TUBA4B: variants seen among roughly 807,000 people sequenced by gnomAD.
The protein encoded by TUBA4B is tubulin alpha 4b.
TUBA4B carries 13 observed loss-of-function variants against 18.4 expected under a neutral mutation model. That is an observed-to-expected ratio of 0.71 (90% CI 0.46 to 1.12). TUBA4B has a LOEUF of 1.12. Among genes scored for constraint, TUBA4B ranks in the 50% most tolerant of loss-of-function variants. The pLI is 0.00. For synonymous variants in TUBA4B, 101 were observed against 99.1 expected (o/e 1.02, Z -0.11); for missense variants, 244 against 250.0 (o/e 0.98, Z 0.16).
At chr2:219,268,388 C>T (rs1458718402) in intron 2 of TUBA4B, among the ~76,000 whole-genome samples, 1 of 152,162 alleles carries the variant, frequency 6.6e-6, no homozygotes, top group Admixed American at 6.5e-5. Flanking sequence ...AGCCACTGCG[C>T]CCAGCCTCAA....
intron 1 of TUBA4B, among the ~76,000 whole-genome samples, chr2:219,257,699 C>T (rs1161284058): frequency 1.8e-4 from 27 of 147,918 alleles, no homozygotes; most frequent in Admixed American, 1.8e-3. Context: ...CTCTCTTGCC[C>T]AGGCTGGATT....
intron 2 of TUBA4B, among the ~76,000 whole-genome samples, chr2:219,269,799 G>C (rs1951814242): frequency 6.6e-6 from 1 of 152,130 alleles, no homozygotes; most frequent in Non-Finnish European, 1.5e-5. Context: ...ACTGGGGCTG[G>C]GAAACATGTG....
chr2:219,259,013 G>A (rs1316588600), intron 1 of TUBA4B, among the ~76,000 whole-genome samples: 1 of 151,888 alleles, frequency 6.6e-6, no homozygotes, highest in Non-Finnish European at 1.5e-5. Flanking sequence ...CGGGAGCAGT[G>A]GCTCCCTCCT....
intron 1 of TUBA4B, among the ~76,000 whole-genome samples, chr2:219,255,230 C>T (rs1951708148): frequency 6.6e-6 from 1 of 152,152 alleles, no homozygotes; most frequent in Admixed American, 6.5e-5. Flanking sequence ...CCATGCCCAG[C>T]TTATTTTATT....
intron 1 of TUBA4B, among the ~76,000 whole-genome samples, chr2:219,263,246 A>C (rs1397351364): frequency 1.3e-5 from 2 of 152,082 alleles, no homozygotes; most frequent in Non-Finnish European, 2.9e-5. Flanking sequence ...TAATCCCAAC[A>C]CTTTGGGAGG....
At chr2:219,268,148 G>A (rs1264678605) in intron 2 of TUBA4B, among the ~76,000 whole-genome samples, 2 of 128,066 alleles carry the variant, frequency 1.6e-5, no homozygotes, top group African/African-American at 6.1e-5. Flanking sequence ...TCACTCTGTT[G>A]CCCTGGCTGG....
At chr2:219,266,678 A>T in intron 2 of TUBA4B, 112 bp downstream of exon 2, 1 of 652,826 alleles carries the variant, frequency 1.5e-6, no homozygotes, top group Admixed American at 2.3e-5. Flanking sequence ...GGGCTACAGT[A>T]TGTGGCGAGG....
At position 219,271,341 on chromosome 2, in the gene TUBA4B, C is replaced by T; in HGVS notation, c.368C>T (p.Pro123Leu). Reference protein sequence around the residue: ...APQVSTAMVQPYNSILTTHTT... With the variant: ...APQVSTAMVQLYNSILTTHTT... ...CAGGTGTCTACAGCCATGGTCCAGC[C>T]CTACAACTCTATCCTGACCACCCAC... Residue 123 changes from proline (P) to leucine (L), a missense_variant, in exon 4 of 4, where the codon CCC (proline) becomes CTC (leucine). Pro to Leu is a moderately conservative substitution (Grantham distance 98). Transcript: ENST00000490341. 1.2e-6 allele frequency: 2 copies of T among 1,613,458 alleles called. No individual in the cohort carries two copies. The highest frequency in any genetic ancestry group is 1.7e-6 in the Non-Finnish European group (2 of 1,179,374).
At chr2:219,265,532 G>A (rs1412225736) in intron 1 of TUBA4B, among the ~76,000 whole-genome samples, 1 of 152,202 alleles carries the variant, frequency 6.6e-6, no homozygotes, top group Non-Finnish European at 1.5e-5. Context: ...AGCTACTCAG[G>A]AGGCTGAGGC....
At chr2:219,253,932 C>G (rs528746051) in intron 1 of TUBA4B, 1 of 1,261,112 alleles carries the variant, frequency 7.9e-7, no homozygotes, top group African/African-American at 1.6e-5. Context: ...AGCTGCAGTG[C>G]CGCACCGCCC....
intron 1 of TUBA4B, 95 bp downstream of exon 1, chr2:219,253,514 C>G: frequency 9.4e-7 from 1 of 1,060,546 alleles, no homozygotes; most frequent in East Asian, 2.6e-5. Context: ...CCAAACCCGT[C>G]TTCTTTTGCC....
At chr2:219,265,508 G>T (rs1951784590) in intron 1 of TUBA4B, among the ~76,000 whole-genome samples, 1 of 152,126 alleles carries the variant, frequency 6.6e-6, no homozygotes, top group African/African-American at 2.4e-5. Flanking sequence ...CTGGTGGCAG[G>T]TGTCTGTAAT....
chr2:219,270,156 G>A (rs762295347), intron 2 of TUBA4B, 46 bp from the exon 3 acceptor site: 2 of 699,156 alleles, frequency 2.9e-6, no homozygotes, highest in South Asian at 1.5e-5. Context: ...ATTGCAAAGG[G>A]AGGTGGGGCC....
intron 1 of TUBA4B, among the ~76,000 whole-genome samples, chr2:219,261,824 G>A (rs1951760875): frequency 6.6e-6 from 1 of 152,148 alleles, no homozygotes; most frequent in South Asian, 2.1e-4. Flanking sequence ...TTATATAAAA[G>A]CCATTCTCCT....
chr2:219,267,426 T>C (rs56846073), intron 2 of TUBA4B, among the ~76,000 whole-genome samples: 2,578 of 152,274 alleles, frequency 0.017, 80 homozygotes, highest in African/African-American at 0.057. Flanking sequence ...CTAAGCAATG[T>C]AACAACACAG....
intron 1 of TUBA4B, among the ~76,000 whole-genome samples, chr2:219,262,652 C>A (rs997338895): frequency 6.6e-6 from 1 of 152,098 alleles, no homozygotes; most frequent in African/African-American, 2.4e-5. Flanking sequence ...GGGCCACAGG[C>A]ATGTGCCACC....
At chr2:219,264,642 G>A (rs1300282322) in intron 1 of TUBA4B, among the ~76,000 whole-genome samples, 3 of 152,178 alleles carry the variant, frequency 2.0e-5, no homozygotes, top group African/African-American at 7.2e-5. Flanking sequence ...TGGGTAGGTA[G>A]TGTCAACAGT....
rs893557545 is a variant in TUBA4B, at chr2:219,253,300, G to C, written c.-108G>C. ...TGGAGAGGGCCAGCTCGCTTCAGGA[G>C]GCCGAACCCCGTTCCCACCAACCCT... On this transcript the variant is annotated 5_prime_UTR_variant, in exon 1 of 4. Coordinates refer to ENST00000490341, the MANE Select transcript of TUBA4B (RefSeq NM_001355221.1). 10 of 1,514,748 alleles carry C rather than the reference G, an allele frequency of 6.6e-6. No homozygotes were observed. The highest frequency in any genetic ancestry group is 8.8e-6 in the Non-Finnish European group (10 of 1,135,226). 93.8% of individuals were successfully genotyped at this position (1,514,748 alleles called of 1,614,324 possible).
chr2:219,254,997 T>A (rs1951705249), intron 1 of TUBA4B, among the ~76,000 whole-genome samples: 1 of 152,206 alleles, frequency 6.6e-6, no homozygotes, highest in Admixed American at 6.5e-5. Flanking sequence ...TTTCTACATT[T>A]CATTCCGTTC....
Sources: gnomAD v4.1 joint callset for allele counts (sites outside exome capture counted in the v4.1 genomes callset) on GRCh38, gnomAD v4.1.1 for gene constraint, MANE v1.5 for transcripts, NCBI Gene and HGNC (gene_info 2026-07-23, HGNC 2026-07-21) for gene names.